The following RNF220 variants were observed in gnomAD, a reference collection of about 807,000 sequenced individuals.
RNF220 encodes the protein E3 ubiquitin-protein ligase RNF220.
Under a neutral mutation model 67.1 loss-of-function variants are expected in RNF220, and 7 were observed. That is an observed-to-expected ratio of 0.10 (90% CI 0.06 to 0.20). The LOEUF is 0.20. RNF220 is among the 10% of genes least tolerant of loss of function. The probability of loss-of-function intolerance (pLI) is 1.00; values close to 1 mark genes in which losing one functional copy is unlikely to be tolerated. For missense variants in RNF220, 565 were observed against 740.3 expected, an observed-to-expected ratio of 0.76 and a Z score of 2.75; for synonymous variants, 270 against 283.2, an observed-to-expected ratio of 0.95 and a Z score of 0.47.
chr1:44,453,630 A>G (rs1652896840), intron 2 of RNF220, among the ~76,000 whole-genome samples: 1 of 152,088 alleles, frequency 6.6e-6, no homozygotes, highest in African/African-American at 2.4e-5. Context: ...ATACAGAACC[A>G]TCCCCTGCAT....
At chr1:44,578,343 T>C (rs3738734) in intron 2 of RNF220, among the ~76,000 whole-genome samples, 46,420 of 150,338 alleles carry the variant, frequency 0.31, 7,472 homozygotes, top group African/African-American at 0.4. Flanking sequence ...AGAGATGGGG[T>C]TTCACCATGT....
chr1:44,591,365 G>A (rs771644068), intron 2 of RNF220, among the ~76,000 whole-genome samples: 2 of 152,234 alleles, frequency 1.3e-5, no homozygotes, highest in South Asian at 4.1e-4. Context: ...GTCACCTATC[G>A]TCCATGCGCA....
chr1:44,474,519 G>A (rs1655119386), intron 2 of RNF220, among the ~76,000 whole-genome samples: 1 of 151,584 alleles, frequency 6.6e-6, no homozygotes, highest in Non-Finnish European at 1.5e-5. Flanking sequence ...GACCAGCATG[G>A]GCTGCACAGC....
chr1:44,437,708 A>C (rs115601621), intron 2 of RNF220, among the ~76,000 whole-genome samples: 2,638 of 152,242 alleles, frequency 0.017, 83 homozygotes, highest in African/African-American at 0.059. Context: ...TAGACCTGGG[A>C]GCTCAGGGGT....
At chr1:44,449,036 G>A (rs924875701) in intron 2 of RNF220, among the ~76,000 whole-genome samples, 3 of 152,158 alleles carry the variant, frequency 2.0e-5, no homozygotes, top group African/African-American at 2.4e-5. Context: ...TGAATCTTCC[G>A]TCAGCACCTC....
At chr1:44,525,818 C>A (rs575342330) in intron 2 of RNF220, among the ~76,000 whole-genome samples, 1 of 152,156 alleles carries the variant, frequency 6.6e-6, no homozygotes, top group Non-Finnish European at 1.5e-5. Context: ...AACACAGCCC[C>A]GCCCTCAGTC....
chr1:44,509,333 G>A (rs811928), intron 2 of RNF220, among the ~76,000 whole-genome samples: 32,290 of 151,548 alleles, frequency 0.21, 3,602 homozygotes, highest in African/African-American at 0.25. Flanking sequence ...GGCAGATCAC[G>A]AGGTCAGGAG....
intron 2 of RNF220, among the ~76,000 whole-genome samples, chr1:44,512,551 A>G (rs1014033093): frequency 6.6e-6 from 1 of 151,928 alleles, no homozygotes; most frequent in African/African-American, 2.4e-5. Flanking sequence ...TAATGATCCT[A>G]ACTGACTCCA....
At chr1:44,594,350 G>A (rs549052955) in intron 2 of RNF220, among the ~76,000 whole-genome samples, 88 of 152,080 alleles carry the variant, frequency 5.8e-4, no homozygotes, top group African/African-American at 2.1e-3. Flanking sequence ...TTGGGACTGG[G>A]CTAATGGACA....
At chr1:44,472,221 TG>T (rs1359828233) in intron 2 of RNF220, among the ~76,000 whole-genome samples, 1 of 152,204 alleles carries the variant, frequency 6.6e-6, no homozygotes, top group East Asian at 1.9e-4. Context: ...TCAGTTCTCT[TG>T]GGTATATATC....
At chr1:44,638,932 A>G (rs1330293107) in intron 8 of RNF220, among the ~76,000 whole-genome samples, 2 of 152,234 alleles carry the variant, frequency 1.3e-5, no homozygotes, top group Admixed American at 6.5e-5. Context: ...GACCTTCCCA[A>G]TTCTAGAAGA....
intron 2 of RNF220, among the ~76,000 whole-genome samples, chr1:44,592,878 T>C (rs1249197645): frequency 1.3e-5 from 2 of 152,180 alleles, no homozygotes; most frequent in East Asian, 3.8e-4. Flanking sequence ...AGCCCAGCCC[T>C]GGCCCTCGCA....
At chr1:44,465,666 G>GCCA (rs985702408) in intron 2 of RNF220, among the ~76,000 whole-genome samples, 3 of 152,044 alleles carry the variant, frequency 2.0e-5, no homozygotes, top group African/African-American at 7.2e-5. Context: ...TCAGTTCCAG[G>GCCA]CCACCACAGT....
At chr1:44,625,386 T>C (rs751487141) in intron 4 of RNF220, among the ~76,000 whole-genome samples, 1 of 152,226 alleles carries the variant, frequency 6.6e-6, no homozygotes, top group African/African-American at 2.4e-5. Flanking sequence ...ATGTGCAGCA[T>C]GGCCACCGCA....
chr1:44,447,896 G>T (rs1297005477), intron 2 of RNF220, among the ~76,000 whole-genome samples: 2 of 152,170 alleles, frequency 1.3e-5, no homozygotes, highest in Non-Finnish European at 2.9e-5. Flanking sequence ...CCTGCCTTCT[G>T]GGCTTACTGT....
rs117455890 is a variant in RNF220, at chr1:44,645,794, G to C, written c.1445+306G>C. 0.014 allele frequency among the ~76,000 whole-genome samples: 2,202 copies of C among 152,390 alleles called. 103 individuals are homozygous for C. Among genetic ancestry groups the C allele is most frequent in the East Asian group, 0.11 (592 of 5,182 alleles). On this transcript the variant is annotated intron_variant, in intron 12 of 14. Coordinates refer to ENST00000361799, the MANE Select transcript of RNF220 (RefSeq NM_018150.4). The surrounding 1 kb of genome is among the most constrained non-coding windows in gnomAD (Gnocchi z 5.0). The stretch of plus-strand genomic sequence containing the variant: ...ATGTGATGTATGGCCGCCCAGCCCA[G>C]CCGGCACACTTGATTCATCTCCAGT...
intron 12 of RNF220, among the ~76,000 whole-genome samples, chr1:44,647,461 A>G (rs976049992): frequency 1.3e-5 from 2 of 152,168 alleles, no homozygotes; most frequent in African/African-American, 4.8e-5. Context: ...AAAGGCTTCC[A>G]GAGCCAGAGA....
chr1:44,603,384 C>CA (rs1667064374), intron 2 of RNF220, among the ~76,000 whole-genome samples: 1 of 152,226 alleles, frequency 6.6e-6, no homozygotes, highest in Admixed American at 6.5e-5. Flanking sequence ...CCCCGGGCTA[C>CA]GGTGGGCCAG....
intron 2 of RNF220, among the ~76,000 whole-genome samples, chr1:44,540,247 AG>A (rs2148219371): frequency 6.6e-6 from 1 of 152,344 alleles, no homozygotes; most frequent in East Asian, 1.9e-4. Context: ...AGGCAGACAG[AG>A]GAGAGAACAG....
Sources: gnomAD v4.1 joint callset for allele counts (sites outside exome capture counted in the v4.1 genomes callset) on GRCh38, gnomAD v4.1.1 for gene constraint, Gnocchi (gnomAD v3.1) non-coding constraint, MANE v1.5 for transcripts, NCBI Gene and HGNC (gene_info 2026-07-23, HGNC 2026-07-21) for gene names.